Variants in CHRM3 observed in about 807,000 individuals in gnomAD.
CHRM3 encodes muscarinic acetylcholine receptor M3.
Under a neutral mutation model 41.8 loss-of-function variants are expected in CHRM3, and 11 were observed. That is an observed-to-expected ratio of 0.26 (90% CI 0.17 to 0.44). The LOEUF (loss-of-function observed/expected upper bound fraction) is 0.44. CHRM3 is among the 20% of genes least tolerant of loss of function. The pLI is 1.00. For missense variants in CHRM3, 571 were observed against 745.4 expected (o/e 0.77, Z 2.72); for synonymous variants, 297 against 301.4 (o/e 0.99, Z 0.15).
At chr1:239,550,822 A>C (rs1659739395) in intron 3 of CHRM3, among the ~76,000 whole-genome samples, 1 of 152,186 alleles carries the variant, frequency 6.6e-6, no homozygotes, top group Non-Finnish European at 1.5e-5. Flanking sequence ...CAGCATTTCA[A>C]CAATGATGAG....
chr1:239,874,888 G>A (rs1001471611), intron 6 of CHRM3, among the ~76,000 whole-genome samples: 4 of 151,752 alleles, frequency 2.6e-5, no homozygotes, highest in African/African-American at 4.8e-5. Flanking sequence ...TAGTAGAGAC[G>A]GGGTTTCTCC....
intron 6 of CHRM3, among the ~76,000 whole-genome samples, chr1:239,866,095 A>C (rs1392721251): frequency 6.6e-6 from 1 of 152,126 alleles, no homozygotes; most frequent in African/African-American, 2.4e-5. Flanking sequence ...AAGCTTGCCC[A>C]GGCCGGGCAC....
intron 6 of CHRM3, among the ~76,000 whole-genome samples, chr1:239,854,173 G>A (rs1456158975): frequency 1.3e-5 from 2 of 151,988 alleles, no homozygotes; most frequent in African/African-American, 2.4e-5. Context: ...GCTGCCATAG[G>A]CAATATAAAC....
chr1:239,501,205 C>T (rs1668220055), intron 2 of CHRM3, among the ~76,000 whole-genome samples: 1 of 152,236 alleles, frequency 6.6e-6, no homozygotes, highest in Admixed American at 6.5e-5. Flanking sequence ...CCACTGACAG[C>T]CCTAGACAGG....
chr1:239,420,113 A>C (rs546802130), intron 1 of CHRM3, among the ~76,000 whole-genome samples: 54 of 152,306 alleles, frequency 3.5e-4, no homozygotes, highest in African/African-American at 1.2e-3. Flanking sequence ...GGAGTAGAGT[A>C]AGAAGGCTTC....
rs1187275179 is a variant in CHRM3 at position 239,510,497 on chromosome 1, A to G, written c.-422+17690A>G. Reference sequence around the variant, plus strand: ...GAGAACCTCTATCTTTAGTGGCATCATTGGATTGGAATGTACCTGGAGCAG... The same window carrying G: ...GAGAACCTCTATCTTTAGTGGCATCGTTGGATTGGAATGTACCTGGAGCAG... On this transcript the variant is annotated intron_variant, in intron 2 of 6. Transcript: ENST00000676153. Among the ~76,000 whole-genome samples, 5 of 151,900 alleles carry G rather than the reference A, an allele frequency of 3.3e-5. No homozygotes were observed. The South Asian group carries it at 6.2e-4, about 19-fold the overall frequency.
intron 5 of CHRM3, among the ~76,000 whole-genome samples, chr1:239,693,296 A>C (rs1224085146): frequency 6.6e-6 from 1 of 152,142 alleles, no homozygotes; most frequent in Admixed American, 6.5e-5. Context: ...CCCCCAATGC[A>C]ACTGTATTTG....
intron 3 of CHRM3, among the ~76,000 whole-genome samples, chr1:239,582,622 C>T (rs951598512): frequency 2.6e-5 from 4 of 152,086 alleles, no homozygotes; most frequent in Non-Finnish European, 5.9e-5. Context: ...CAACACAACA[C>T]GTCCCAAACT....
chr1:239,688,452 ATATAT>A (rs1333857545), intron 5 of CHRM3, among the ~76,000 whole-genome samples: 9 of 142,768 alleles, frequency 6.3e-5, no homozygotes, highest in South Asian at 6.3e-4. Context: ...ATATTTATAA[ATATAT>A]TATATTATAT....
chr1:239,560,876 C>T (rs996375546), intron 3 of CHRM3, among the ~76,000 whole-genome samples: 11 of 152,070 alleles, frequency 7.2e-5, no homozygotes, highest in African/African-American at 2.7e-4. Context: ...GGTTTTCCCA[C>T]ACCTCCCCCA....
intron 5 of CHRM3, among the ~76,000 whole-genome samples, chr1:239,728,264 G>A (rs1457862552): frequency 6.6e-6 from 1 of 151,892 alleles, no homozygotes; most frequent in Non-Finnish European, 1.5e-5. Flanking sequence ...AGTTTTCATG[G>A]TTATATCCCC....
chr1:239,596,314 T>G (rs888700065), intron 3 of CHRM3, among the ~76,000 whole-genome samples: 9 of 152,020 alleles, frequency 5.9e-5, no homozygotes, highest in African/African-American at 1.9e-4. Context: ...AACATGGAGG[T>G]GGAAGAAAAG....
Position 239,387,979 on chromosome 1 carries a change from C to A in CHRM3, c.-521+752C>A, listed in dbSNP as rs1013517158. 6.6e-6 allele frequency among the ~76,000 whole-genome samples: 1 copy of A among 151,940 alleles called. No homozygotes were observed. Among genetic ancestry groups the A allele is most frequent in the Non-Finnish European group, 1.5e-5 (1 of 68,014 alleles). On this transcript the variant is annotated intron_variant, in intron 1 of 6. Transcript: ENST00000676153. The surrounding 1 kb of genome is among the most constrained non-coding windows in gnomAD (Gnocchi z 5.1). ...TTAATTTTTGCGTGTTTTTAAACGG[C>A]GGGGGCGGGCGGACAGTTGACTCCA...
At chr1:239,906,654 G>A (rs769805743) in intron 6 of CHRM3, among the ~76,000 whole-genome samples, 1 of 152,170 alleles carries the variant, frequency 6.6e-6, no homozygotes, top group Non-Finnish European at 1.5e-5. Flanking sequence ...GCAAATGTGT[G>A]TGGGTGTGTC....
chr1:239,436,489 G>A (rs1421914883), intron 1 of CHRM3, among the ~76,000 whole-genome samples: 1 of 152,012 alleles, frequency 6.6e-6, no homozygotes, highest in East Asian at 1.9e-4. Context: ...TGGGCAGCAC[G>A]GTGCTGTGTG....
intron 1 of CHRM3, among the ~76,000 whole-genome samples, chr1:239,436,262 G>C (rs770248045): frequency 6.6e-6 from 1 of 152,090 alleles, no homozygotes; most frequent in Non-Finnish European, 1.5e-5. Context: ...ACCACTTTGG[G>C]CTAGTCAAGT....
chr1:239,698,968 A>G (rs1245956294), intron 5 of CHRM3, among the ~76,000 whole-genome samples: 1 of 152,208 alleles, frequency 6.6e-6, no homozygotes, highest in African/African-American at 2.4e-5. Flanking sequence ...AACTGTATAT[A>G]CATTTTTATT....
chr1:239,882,470 C>T (rs908033584), intron 6 of CHRM3, among the ~76,000 whole-genome samples: 2 of 152,180 alleles, frequency 1.3e-5, no homozygotes, highest in African/African-American at 4.8e-5. Context: ...ATACTTTTAA[C>T]GTCTTTTAAT....
At chr1:239,486,602 G>A (rs1314939773) in intron 1 of CHRM3, among the ~76,000 whole-genome samples, 1 of 152,186 alleles carries the variant, frequency 6.6e-6, no homozygotes, top group Non-Finnish European at 1.5e-5. Flanking sequence ...ACTCACCTCT[G>A]TGGTTGTAAT....
Sources: allele counts gnomAD v4.1 joint callset (sites outside exome capture counted in the v4.1 genomes callset), GRCh38; gene constraint gnomAD v4.1.1; non-coding constraint Gnocchi (gnomAD v3.1); transcripts MANE v1.5; gene names NCBI Gene and HGNC (gene_info 2026-07-23, HGNC 2026-07-21).